The following SESN3 variants were observed in gnomAD, a reference collection of about 807,000 sequenced individuals.
SESN3 encodes the protein sestrin 3, also known as sestrin-3.
A neutral mutation model predicts 55.3 loss-of-function variants in SESN3; 21 were observed. The ratio of observed to expected loss-of-function variants is 0.38; its 90% CI spans 0.27 to 0.55. The LOEUF is 0.55. SESN3 is among the 20% of genes least tolerant of loss of function. The pLI is 0.76. For synonymous variants in SESN3, 181 were observed against 203.1 expected, an observed-to-expected ratio of 0.89 and a Z score of 0.93; for missense variants, 408 against 604.3, an observed-to-expected ratio of 0.68 and a Z score of 3.41.
At chr11:95,207,140 ATT>A (rs1860565229) in intron 1 of SESN3, among the ~76,000 whole-genome samples, 1 of 135,456 alleles carries the variant, frequency 7.4e-6, no homozygotes, top group Non-Finnish European at 1.6e-5. Context: ...TGCACTAGGC[ATT>A]CTAAGTTTAA....
intron 1 of SESN3, among the ~76,000 whole-genome samples, chr11:95,206,329 GTT>G (rs754533539): frequency 6.7e-6 from 1 of 148,412 alleles, no homozygotes; most frequent in Admixed American, 6.7e-5. Context: ...ACCTTAAAAT[GTT>G]TTTTGGCATC....
At chr11:95,179,816 T>C (rs568434947) in intron 6 of SESN3, among the ~76,000 whole-genome samples, 41 of 152,294 alleles carry the variant, frequency 2.7e-4, no homozygotes, top group Non-Finnish European at 4.6e-4. Flanking sequence ...AACAATGTCC[T>C]AATGAGACTG....
chr11:95,209,651 A>G (rs1860613388), intron 1 of SESN3, among the ~76,000 whole-genome samples: 2 of 151,360 alleles, frequency 1.3e-5, no homozygotes, highest in Admixed American at 1.3e-4. Flanking sequence ...AACCAACCCA[A>G]ATGCCTATCA....
At position 95,170,976 on chromosome 11, in the gene SESN3, G is replaced by T. The variant is rs1252213884; in HGVS notation, c.*2279C>A. 1 of 152,180 alleles carries T rather than the reference G, an allele frequency of 6.6e-6. No individual in the cohort carries two copies. The highest frequency in any genetic ancestry group is 2.4e-5 in the African/African-American group (1 of 41,460). The allele number at this position is 152,180 out of a possible 1,614,324, so 9.4% of individuals were successfully genotyped here. On this transcript the variant is annotated 3_prime_UTR_variant, in exon 10 of 10. Coordinates refer to ENST00000536441, the MANE Select transcript of SESN3 (RefSeq NM_144665.4). ...AAACACAAACTAAGTGGCCATTTTA[G>T]TTACTTAAACCTTGTTTCCCCTTTT...
rs1259383747 is a variant in SESN3 at position 95,177,822 on chromosome 11, C to G, written c.1144G>C (p.Val382Leu). The part of the protein sequence containing the change: ...GHLLDEKFRM[V>L]YNLTYNTMAT... The stretch of plus-strand genomic sequence containing the variant: ...ATAGTGTTATATGTGAGATTGTAGA[C>G]CATCCGAAACTTTTCATCAAGAAGA... Residue 382 changes from valine (V) to leucine (L), a missense_variant, in exon 8 of 10, where the codon GTC becomes CTC. Physicochemically the swap from Val to Leu is conservative, Grantham distance 32. Coordinates refer to ENST00000536441, the MANE Select transcript of SESN3 (RefSeq NM_144665.4). 1 of 1,604,710 alleles carries G rather than the reference C, an allele frequency of 6.2e-7. No homozygotes were observed. The highest frequency in any genetic ancestry group is 1.1e-5 in the South Asian group (1 of 88,780).
At position 95,208,105 on chromosome 11, in the gene SESN3, A is replaced by G. The variant is rs1860584730; in HGVS notation, c.79-14583T>C. 1.3e-5 allele frequency among the ~76,000 whole-genome samples: 2 copies of G among 151,586 alleles called. 1 individual carries two copies. The highest frequency in any genetic ancestry group is 2.9e-5 in the Non-Finnish European group (2 of 67,818). On this transcript the variant is annotated intron_variant, in intron 1 of 9. Coordinates refer to ENST00000536441, the MANE Select transcript of SESN3 (RefSeq NM_144665.4). The stretch of plus-strand genomic sequence containing the variant: ...TCTTCTTTCCTTAGTTTTTTAAAAA[A>G]AATGAATCAAGGGATTATTTTAAGG...
chr11:95,209,203 G>GT (rs1173945270), intron 1 of SESN3, among the ~76,000 whole-genome samples: 1 of 151,156 alleles, frequency 6.6e-6, no homozygotes, highest in Non-Finnish European at 1.5e-5. Context: ...GAATCTACAA[G>GT]GAACTTAAAC....
intron 1 of SESN3, among the ~76,000 whole-genome samples, chr11:95,218,722 C>G (rs1425164690): frequency 1.4e-5 from 2 of 147,478 alleles, no homozygotes; most frequent in African/African-American, 5.0e-5. Context: ...GCGATCTCAG[C>G]TTACTGCAAG....
At chr11:95,173,457 C>CT in intron 9 of SESN3, 116 bp from the exon 10 acceptor site, 1 of 493,004 alleles carries the variant, frequency 2.0e-6, no homozygotes, top group Non-Finnish European at 3.8e-6. Context: ...ACACACACAC[C>CT]TAGGCATATT....
At chr11:95,195,641 T>G (rs1313330441) in intron 1 of SESN3, among the ~76,000 whole-genome samples, 1 of 152,204 alleles carries the variant, frequency 6.6e-6, no homozygotes, top group Admixed American at 6.5e-5. Context: ...AACATTTTAG[T>G]TATATACAGT....
At chr11:95,209,788 G>A (rs903824121) in intron 1 of SESN3, among the ~76,000 whole-genome samples, 9 of 150,716 alleles carry the variant, frequency 6.0e-5, no homozygotes, top group South Asian at 2.2e-4. Flanking sequence ...AGGCTGAGGC[G>A]GGTGGATCTC....
chr11:95,197,991 C>G (rs921747316), intron 1 of SESN3, among the ~76,000 whole-genome samples: 1 of 152,268 alleles, frequency 6.6e-6, no homozygotes, highest in African/African-American at 2.4e-5. Flanking sequence ...AGCTGTTCCT[C>G]CTCACTTTCC....
At chr11:95,218,287 G>A (rs1860796653) in intron 1 of SESN3, among the ~76,000 whole-genome samples, 1 of 152,178 alleles carries the variant, frequency 6.6e-6, no homozygotes, top group African/African-American at 2.4e-5. Context: ...TCCTACTCTT[G>A]ACTGTAGTGT....
chr11:95,173,647 C>T (rs1406378003), intron 9 of SESN3, among the ~76,000 whole-genome samples: 3 of 151,880 alleles, frequency 2.0e-5, no homozygotes, highest in Admixed American at 6.6e-5. Context: ...CTACAAATTA[C>T]ATTTCTTTCT....
At chr11:95,189,716 A>G in intron 4 of SESN3, 63 bp downstream of exon 4, 1 of 1,153,830 alleles carries the variant, frequency 8.7e-7, no homozygotes, top group Non-Finnish European at 1.2e-6. Flanking sequence ...AGTTCCTAAT[A>G]TACACATATT....
intron 1 of SESN3, chr11:95,203,929 C>G (rs557013976): frequency 1.3e-5 from 2 of 152,562 alleles, no homozygotes; most frequent in Admixed American, 6.6e-5. Context: ...GCCAGAAATA[C>G]GTAAATGAGG....
In SESN3 at chr11:95,168,447, G is replaced by A. The variant is rs1367141903; in HGVS notation, c.*4808C>T. The stretch of plus-strand genomic sequence containing the variant: ...ATAAAGTTTCCTACTTTGATAGAAG[G>A]CAAAAATCTTTTATGATTTATTTAA... On this transcript the variant is annotated 3_prime_UTR_variant, in exon 10 of 10. Coordinates refer to ENST00000536441, the MANE Select transcript of SESN3 (RefSeq NM_144665.4). The A allele has an allele frequency of 6.6e-6, 1 of 152,074 alleles. No homozygotes were observed. The highest frequency in any genetic ancestry group is 1.5e-5 in the Non-Finnish European group (1 of 68,006). The allele number at this position is 152,074 out of a possible 1,614,324, so 9.4% of individuals were successfully genotyped here.
rs1468681594 is a variant in SESN3 at position 95,169,732 on chromosome 11, G to C, written c.*3523C>G. 1.3e-5 allele frequency: 2 copies of C among 151,828 alleles called. No individual in the cohort carries two copies. Among genetic ancestry groups the C allele is most frequent in the Admixed American group, 6.6e-5 (1 of 15,236 alleles). 9.4% of individuals were successfully genotyped at this position (151,828 alleles called of 1,614,324 possible). A position where few individuals can be genotyped will look rare whatever the true frequency, so the allele number is the denominator to read the frequency against. On this transcript the variant is annotated 3_prime_UTR_variant, in exon 10 of 10. Coordinates refer to ENST00000536441, the MANE Select transcript of SESN3 (RefSeq NM_144665.4). ...TTTTAAGTACAGATCTTTAATTGTT[G>C]ATCATTTTATTTTGCTGTGGCACAG...
chr11:95,210,683 C>G (rs536738162), intron 1 of SESN3, among the ~76,000 whole-genome samples: 96 of 152,274 alleles, frequency 6.3e-4, no homozygotes, highest in African/African-American at 2.2e-3. Flanking sequence ...ACCACTACAT[C>G]ACTTAAGCAT....
Sources: gnomAD v4.1 joint callset for allele counts (sites outside exome capture counted in the v4.1 genomes callset) on GRCh38, gnomAD v4.1.1 for gene constraint, MANE v1.5 for transcripts, NCBI Gene and HGNC (gene_info 2026-07-23, HGNC 2026-07-21) for gene names.